DLG2: variants seen among roughly 807,000 people sequenced by gnomAD.
DLG2 encodes the protein discs large MAGUK scaffold protein 2.
Under a neutral mutation model 132.5 loss-of-function variants are expected in DLG2, and 45 were observed. The observed-to-expected ratio is 0.34, with a 90% CI of 0.27 to 0.44. DLG2 has a LOEUF of 0.44. Ranked by LOEUF, DLG2 falls within the 20% of genes least tolerant of loss-of-function variation. The probability of loss-of-function intolerance (pLI) is 1.00; values close to 1 mark genes in which losing one functional copy is unlikely to be tolerated. For synonymous variants in DLG2, 424 were observed against 419.6 expected, an observed-to-expected ratio of 1.01 and a Z score of -0.13; for missense variants, 1,045 against 1,196.9, an observed-to-expected ratio of 0.87 and a Z score of 1.87.
At chr11:83,586,939 CA>C (rs1190871065) in intron 19 of DLG2, among the ~76,000 whole-genome samples, 14 of 152,208 alleles carry the variant, frequency 9.2e-5, no homozygotes, top group Non-Finnish European at 4.4e-5. Context: ...GCAATGGCCA[CA>C]GAAGCTATTT....
At chr11:84,929,390 A>G (rs996367780) in intron 6 of DLG2, among the ~76,000 whole-genome samples, 1 of 152,070 alleles carries the variant, frequency 6.6e-6, no homozygotes, top group African/African-American at 2.4e-5. Context: ...AAAACTCAAC[A>G]TAACATATGA....
rs973894364 is a variant in DLG2, at chr11:83,469,466, A to T, written c.2447-93T>A. 2.1e-5 allele frequency: 19 copies of T among 885,990 alleles called. No individual in the cohort carries two copies. In the Admixed American group the frequency reaches 5.0e-4, roughly 24 times the overall value. 54.9% of individuals were successfully genotyped at this position (885,990 alleles called of 1,614,324 possible). A position where few individuals can be genotyped will look rare whatever the true frequency, so the allele number is the denominator to read the frequency against. ...TCTCCACCACATCCTCAACATTGAT[A>T]TGTAGAAATATGTAGTATGAAGAAA... is the stretch of plus-strand genomic sequence containing the variant. On this transcript the variant is annotated intron_variant, in intron 24 of 27. Transcript: ENST00000376104.
chr11:85,352,533 G>T (rs2083375195), intron 3 of DLG2, among the ~76,000 whole-genome samples: 1 of 151,882 alleles, frequency 6.6e-6, no homozygotes. Context: ...GCTTTCTCTG[G>T]TGGGCATTTA....
intron 7 of DLG2, chr11:84,316,785 C>G: frequency 6.5e-7 from 1 of 1,548,326 alleles, no homozygotes; most frequent in Non-Finnish European, 8.7e-7. Context: ...CTCTCACTTT[C>G]TTCAGACACT....
chr11:84,625,570 T>C (rs1240756109), intron 6 of DLG2, among the ~76,000 whole-genome samples: 1 of 152,214 alleles, frequency 6.6e-6, no homozygotes, highest in African/African-American at 2.4e-5. Context: ...ATAGATTCCC[T>C]AACTAAAAGC....
At chr11:83,630,341 G>A (rs773164780) in intron 19 of DLG2, among the ~76,000 whole-genome samples, 8 of 151,354 alleles carry the variant, frequency 5.3e-5, no homozygotes, top group Non-Finnish European at 1.0e-4. Context: ...GTGAGCATGC[G>A]TGTGTGTGTG....
chr11:84,332,635 C>T (rs1350382436), intron 7 of DLG2, among the ~76,000 whole-genome samples: 1 of 151,918 alleles, frequency 6.6e-6, no homozygotes, highest in African/African-American at 2.4e-5. Flanking sequence ...TGAGCCACCG[C>T]GCCTGGCCGC....
intron 17 of DLG2, among the ~76,000 whole-genome samples, chr11:83,797,355 C>T (rs2043083597): frequency 6.6e-6 from 1 of 152,134 alleles, no homozygotes; most frequent in Non-Finnish European, 1.5e-5. Context: ...CTCATAACAA[C>T]TGTGTGAAGT....
chr11:85,026,314 GAAATTTGGTAGT>G (rs921279842), intron 6 of DLG2, among the ~76,000 whole-genome samples: 3 of 152,032 alleles, frequency 2.0e-5, no homozygotes, highest in African/African-American at 4.8e-5. Flanking sequence ...AACATGAAAA[GAAATTTGGTAGT>G]AACGGAATTG....
At chr11:84,432,241 A>G (rs968996845) in intron 7 of DLG2, among the ~76,000 whole-genome samples, 3 of 152,228 alleles carry the variant, frequency 2.0e-5, no homozygotes, top group African/African-American at 7.2e-5. Flanking sequence ...AAACAGATTA[A>G]GCAAAATCCT....
At position 83,581,948 on chromosome 11, in the gene DLG2, CTTTTTTTTTTT is replaced by C. The variant is rs71849863; in HGVS notation, c.1941-40101_1941-40091del. 2.8e-4 allele frequency among the ~76,000 whole-genome samples: 15 copies of C among 52,638 alleles called. No homozygotes were observed. In the South Asian group the frequency reaches 3.0e-3, roughly 11 times the overall value. The allele number at this position is 52,638 out of a possible 152,430, so 34.5% of individuals were successfully genotyped here. A position where few individuals can be genotyped will look rare whatever the true frequency, so the allele number is the denominator to read the frequency against. On this transcript the variant is annotated intron_variant, in intron 19 of 27. Coordinates refer to ENST00000376104, the MANE Select transcript of DLG2 (RefSeq NM_001142699.3). Reference sequence around the variant, plus strand: ...GAATTTAGAATTCTGAGTTTGGACTCTTTTTTTTTTTTTTTTTTTTTTTTTGAGATGGAGTT... The same window carrying C: ...GAATTTAGAATTCTGAGTTTGGACTCTTTTTTTTTTTTTTGAGATGGAGTT...
At chr11:83,650,199 G>A (rs1000289968) in intron 18 of DLG2, among the ~76,000 whole-genome samples, 1 of 152,208 alleles carries the variant, frequency 6.6e-6, no homozygotes, top group Non-Finnish European at 1.5e-5. Flanking sequence ...ACTTGTGAAT[G>A]TTACTTGCTA....
chr11:84,298,707 T>A (rs2098120066), intron 7 of DLG2, among the ~76,000 whole-genome samples: 1 of 152,146 alleles, frequency 6.6e-6, no homozygotes. Context: ...TCAAATAAGA[T>A]AACATTAGAA....
chr11:85,512,913 T>G (rs1369080478), intron 3 of DLG2, among the ~76,000 whole-genome samples: 1 of 151,984 alleles, frequency 6.6e-6, no homozygotes, highest in Non-Finnish European at 1.5e-5. Context: ...GCAGCACTAT[T>G]CACAACAGCA....
chr11:84,625,248 A>G (rs1019879216), intron 6 of DLG2, among the ~76,000 whole-genome samples: 1 of 152,244 alleles, frequency 6.6e-6, no homozygotes, highest in East Asian at 1.9e-4. Context: ...CCTGAAGCCA[A>G]TGCATGTTCC....
chr11:83,798,342 A>T (rs1162899493), intron 17 of DLG2, among the ~76,000 whole-genome samples: 1 of 152,220 alleles, frequency 6.6e-6, no homozygotes, highest in Non-Finnish European at 1.5e-5. Context: ...AGTTTAAGCA[A>T]ATAAAATGCT....
intron 6 of DLG2, among the ~76,000 whole-genome samples, chr11:84,946,686 G>C (rs1855619248): frequency 6.6e-6 from 1 of 152,140 alleles, no homozygotes; most frequent in African/African-American, 2.4e-5. Flanking sequence ...GGTTGAGAGA[G>C]AGGAAACACA....
intron 7 of DLG2, among the ~76,000 whole-genome samples, chr11:84,275,239 T>C (rs888352360): frequency 6.6e-6 from 1 of 152,234 alleles, no homozygotes; most frequent in African/African-American, 2.4e-5. Flanking sequence ...GAAAAAAAGG[T>C]AAAGAATTCA....
At chr11:85,413,685 G>A (rs564397719) in intron 3 of DLG2, among the ~76,000 whole-genome samples, 4 of 151,968 alleles carry the variant, frequency 2.6e-5, no homozygotes, top group African/African-American at 7.2e-5. Context: ...TTATGTTTTG[G>A]TTTGCTTTGT....
Sources: allele counts gnomAD v4.1 joint callset (sites outside exome capture counted in the v4.1 genomes callset), GRCh38; gene constraint gnomAD v4.1.1; transcripts MANE v1.5; gene names NCBI Gene and HGNC (gene_info 2026-07-23, HGNC 2026-07-21).